The following RAB3GAP2 variants were observed in gnomAD, a reference collection of about 807,000 sequenced individuals.
RAB3GAP2 encodes RAB3 GTPase activating non-catalytic protein subunit 2, also known as rab3 GTPase-activating protein non-catalytic subunit.
In RAB3GAP2, 87 loss-of-function variants were observed where a neutral mutation model predicts 185.3. That is an observed-to-expected ratio of 0.47 (90% CI 0.39 to 0.56). The LOEUF (loss-of-function observed/expected upper bound fraction) is 0.56. RAB3GAP2 is among the 20% of genes least tolerant of loss of function. The pLI is 0.00. For missense variants in RAB3GAP2, 1,492 were observed against 1,638.2 expected (o/e 0.91, Z 1.54); for synonymous variants, 554 against 576.1 (o/e 0.96, Z 0.55).
At chr1:220,213,055 A>G in intron 3 of RAB3GAP2, 87 bp from the exon 4 acceptor site, 1 of 940,866 alleles carries the variant, frequency 1.1e-6, no homozygotes. Context: ...TCCCCTTAGA[A>G]TATGATTACA....
chr1:220,212,810 A>T, intron 4 of RAB3GAP2, 77 bp downstream of exon 4: 2 of 1,229,204 alleles, frequency 1.6e-6, no homozygotes, highest in Non-Finnish European at 2.4e-6. Flanking sequence ...GAAACTTTTT[A>T]ATAGATTCAC....
intron 1 of RAB3GAP2, among the ~76,000 whole-genome samples, chr1:220,264,593 C>G (rs533463770): frequency 2.9e-4 from 44 of 152,044 alleles, no homozygotes; most frequent in African/African-American, 8.0e-4. Flanking sequence ...ATCTAAAGAC[C>G]CTGCTACTGA....
At chr1:220,171,204 G>A (rs1002320205) in intron 23 of RAB3GAP2, 84 bp from the exon 24 acceptor site, 2 of 1,112,970 alleles carry the variant, frequency 1.8e-6, no homozygotes, top group African/African-American at 3.1e-5. Flanking sequence ...GAAAGCTGAT[G>A]GATACTGAGG....
rs1270089103 is a variant in RAB3GAP2 at position 220,256,460 on chromosome 1, T to C, written c.115+15763A>G. 3.3e-5 allele frequency among the ~76,000 whole-genome samples: 5 copies of C among 152,222 alleles called. No individual in the cohort carries two copies. In the East Asian group the frequency reaches 9.7e-4, roughly 29 times the overall value. ...TGCCCCAATTAAAAGACATAGAATG[T>C]CAAGCTGGATAAAGACGCAAAACCT... On this transcript the variant is annotated intron_variant, in intron 1 of 34. Coordinates refer to ENST00000358951, the MANE Select transcript of RAB3GAP2 (RefSeq NM_012414.4).
chr1:220,257,967 A>C (rs1000306950), intron 1 of RAB3GAP2, among the ~76,000 whole-genome samples: 3 of 152,062 alleles, frequency 2.0e-5, no homozygotes, highest in Non-Finnish European at 4.4e-5. Context: ...GTTTATAAAC[A>C]CAGAGAAATA....
chr1:220,242,246 T>C (rs1351291591), intron 1 of RAB3GAP2, among the ~76,000 whole-genome samples: 1 of 152,198 alleles, frequency 6.6e-6, no homozygotes, highest in Non-Finnish European at 1.5e-5. Context: ...TATTTCATAG[T>C]TAGCATTCCT....
chr1:220,211,298 G>A, intron 4 of RAB3GAP2: 1 of 548,716 alleles, frequency 1.8e-6, no homozygotes, highest in Middle Eastern at 2.8e-4. Context: ...ACAACTGACT[G>A]TATACACAAC....
At position 220,207,647 on chromosome 1, in the gene RAB3GAP2, G is replaced by A. The variant is rs1328649714; in HGVS notation, c.613-1641C>T. 3 of 152,250 alleles carry A rather than the reference G, an allele frequency of 2.0e-5. No homozygotes were observed. The East Asian group carries it at 5.8e-4, about 29-fold the overall frequency. 9.4% of individuals were successfully genotyped at this position (152,250 alleles called of 1,614,324 possible). On this transcript the variant is annotated intron_variant, in intron 7 of 34. Coordinates refer to ENST00000358951, the MANE Select transcript of RAB3GAP2 (RefSeq NM_012414.4). ...CCCAGTGATCACAGCAGCAGGGAGA[G>A]AGCCTCCTCACTGACTTTGGGGAGC...
chr1:220,168,759 T>C (rs1316538164), intron 24 of RAB3GAP2, among the ~76,000 whole-genome samples: 1 of 152,222 alleles, frequency 6.6e-6, no homozygotes, highest in African/African-American at 2.4e-5. Context: ...AATTTAGCTA[T>C]AGCTAATCAA....
chr1:220,233,050 T>G (rs1010803577), intron 1 of RAB3GAP2, among the ~76,000 whole-genome samples, 187 bp from the exon 2 acceptor site: 4 of 152,244 alleles, frequency 2.6e-5, no homozygotes, highest in African/African-American at 9.6e-5. Context: ...TTTGACCTAC[T>G]GAATTTCTAA....
rs1374925013 is a variant in RAB3GAP2 at position 220,190,129 on chromosome 1, C to T, written c.1649G>A (p.Arg550Gln). The T allele has an allele frequency of 5.6e-6, 9 of 1,612,782 alleles. No homozygotes were observed. Among genetic ancestry groups the T allele is most frequent in the East Asian group, 2.2e-5 (1 of 44,824 alleles). Reference protein sequence around the residue: ...HLALSDKKSERAKDMHLVKKL... With the variant: ...HLALSDKKSEQAKDMHLVKKL... ...CTTCACTAGGTGCATATCCTTGGCT[C>T]GTTCACTCTTCTTATCACTAAACCA... is the stretch of plus-strand genomic sequence containing the variant. The change falls in exon 16 of 35, where the codon CGA (arginine) becomes CAA (glutamine). Residue 550 changes from arginine to glutamine, a missense_variant. Transcript: ENST00000358951.
At chr1:220,165,274 G>A (rs545906065) in intron 26 of RAB3GAP2, among the ~76,000 whole-genome samples, 26 of 149,464 alleles carry the variant, frequency 1.7e-4, no homozygotes, top group Admixed American at 1.6e-3. Context: ...ATTCTAGTGA[G>A]GGACCTATAT....
chr1:220,230,807 G>A lies in RAB3GAP2; in HGVS notation c.180+1992C>T, dbSNP rs941045038. Among the ~76,000 whole-genome samples, 8 of 152,108 alleles carry A rather than the reference G, an allele frequency of 5.3e-5. No homozygotes were observed. In the East Asian group the frequency reaches 5.8e-4, roughly 11 times the overall value. ...TGAGAATATCAACCTTTCAACAATC[G>A]TGTTTTATCTATTTCACACCACACC... On this transcript the variant is annotated intron_variant, in intron 2 of 34. Coordinates refer to ENST00000358951, the MANE Select transcript of RAB3GAP2 (RefSeq NM_012414.4).
At chr1:220,196,426 T>C (rs748619908) in intron 9 of RAB3GAP2, 28 bp from the exon 10 acceptor site, 3 of 1,555,884 alleles carry the variant, frequency 1.9e-6, no homozygotes, top group East Asian at 2.2e-5. Flanking sequence ...GTGATTTGAA[T>C]GTACAATGTT....
chr1:220,239,048 A>G (rs1483982042), intron 1 of RAB3GAP2, among the ~76,000 whole-genome samples: 1 of 152,078 alleles, frequency 6.6e-6, no homozygotes, highest in Non-Finnish European at 1.5e-5. Context: ...TTCCGCATAT[A>G]CCCCCATAAA....
At chr1:220,194,947 G>T in intron 12 of RAB3GAP2, 131 bp downstream of exon 12, 1 of 930,980 alleles carries the variant, frequency 1.1e-6, no homozygotes, top group Non-Finnish European at 1.8e-6. Flanking sequence ...AGTGGGAAAA[G>T]AAATTCCACT....
Position 220,170,381 on chromosome 1 carries a change from C to G in RAB3GAP2, c.2806+511G>C, listed in dbSNP as rs573585096. ...TGTATACCTATGTAACAAACCTGCA[C>G]GTTCTGCATATGTATCCCATAACTT... On this transcript the variant is annotated intron_variant, in intron 24 of 34. Transcript: ENST00000358951. 8.8e-4 allele frequency among the ~76,000 whole-genome samples: 133 copies of G among 151,812 alleles called. 2 individuals are homozygous for G. The highest frequency in any genetic ancestry group is 7.9e-4 in the Admixed American group (12 of 15,240).
chr1:220,210,253 C>G, intron 7 of RAB3GAP2, 135 bp downstream of exon 7: 1 of 764,318 alleles, frequency 1.3e-6, no homozygotes, highest in Non-Finnish European at 2.4e-6. Context: ...GATTATATTT[C>G]TAGACTATGA....
rs75323831 is a variant in RAB3GAP2 at position 220,197,448 on chromosome 1, G to A, written c.812-1050C>T. 8.6e-3 allele frequency among the ~76,000 whole-genome samples: 1,306 copies of A among 152,230 alleles called. 11 individuals carry two copies. Among genetic ancestry groups the A allele is most frequent in the Non-Finnish European group, 0.014 (961 of 68,016 alleles). On this transcript the variant is annotated intron_variant, in intron 9 of 34. Transcript: ENST00000358951. Reference sequence around the variant, plus strand: ...GAGTTCATACGCAAGCCATTCACTGGCTTTATAGGAATTAAAGTGATCAAA... The same window carrying A: ...GAGTTCATACGCAAGCCATTCACTGACTTTATAGGAATTAAAGTGATCAAA...
Sources: allele counts gnomAD v4.1 joint callset (sites outside exome capture counted in the v4.1 genomes callset), GRCh38; gene constraint gnomAD v4.1.1; transcripts MANE v1.5; gene names NCBI Gene and HGNC (gene_info 2026-07-23, HGNC 2026-07-21).